USP14: variants seen among roughly 807,000 people sequenced by gnomAD.
The protein encoded by USP14 is ubiquitin specific peptidase 14.
USP14 carries 38 observed loss-of-function variants against 76.5 expected under a neutral mutation model. The observed-to-expected ratio is 0.50, with a 90% confidence interval of 0.38 to 0.65. The LOEUF (loss-of-function observed/expected upper bound fraction) is 0.65. Ranked by LOEUF, USP14 falls within the 30% of genes least tolerant of loss-of-function variation. The pLI, the probability that USP14 is intolerant of heterozygous loss-of-function variation, is 0.00. For synonymous variants in USP14, 192 were observed against 191.7 expected, an observed-to-expected ratio of 1.00 and a Z score of -0.01; for missense variants, 467 against 586.5, an observed-to-expected ratio of 0.80 and a Z score of 2.10.
At chr18:185,761 C>T (rs1318067337) in intron 5 of USP14, among the ~76,000 whole-genome samples, 4 of 151,930 alleles carry the variant, frequency 2.6e-5, no homozygotes, top group African/African-American at 9.7e-5. Flanking sequence ...GTGGCACGAT[C>T]ACAGATCACT....
chr18:182,362 T>C (rs987479897), intron 5 of USP14, among the ~76,000 whole-genome samples: 5 of 152,238 alleles, frequency 3.3e-5, no homozygotes, highest in Non-Finnish European at 7.3e-5. Context: ...TTTATGAATA[T>C]TGATTTTTGT....
In USP14 at chr18:190,479, C is replaced by G. The variant is rs898324492; in HGVS notation, c.405-2363C>G. Reference sequence around the variant, plus strand: ...CCACATCCACCCCCAAGAGTTTAAGCCAAGTTATTTAGCCAGTGGATTTAG... The same window carrying G: ...CCACATCCACCCCCAAGAGTTTAAGGCAAGTTATTTAGCCAGTGGATTTAG... On this transcript the variant is annotated intron_variant, in intron 5 of 15. Transcript: ENST00000261601. Among the ~76,000 whole-genome samples the G allele has an allele frequency of 3.9e-5, 6 of 152,070 alleles. 1 individual carries two copies. Among genetic ancestry groups the G allele is most frequent in the Non-Finnish European group, 8.8e-5 (6 of 67,994 alleles).
intron 3 of USP14, among the ~76,000 whole-genome samples, chr18:171,035 T>A (rs1284215831): frequency 3.2e-4 from 36 of 111,622 alleles, no homozygotes; most frequent in African/African-American, 1.3e-3. Flanking sequence ...AATATATATA[T>A]ATATATATAT....
At chr18:171,025 A>AAAAAAAAAAAAAAATATAT (rs1327304974) in intron 3 of USP14, among the ~76,000 whole-genome samples, 1 of 47,652 alleles carries the variant, frequency 2.1e-5, no homozygotes, top group African/African-American at 8.7e-5. Context: ...AAAAAAAAAA[A>AAAAAAAAAAAAAAATATAT]ATATATATAT....
chr18:193,660 A>G (rs928759443), intron 6 of USP14, among the ~76,000 whole-genome samples: 11 of 152,242 alleles, frequency 7.2e-5, no homozygotes, highest in African/African-American at 2.6e-4. Flanking sequence ...CCTACTCTGG[A>G]CTTTTACTCT....
At chr18:168,321 G>A (rs1318137007) in intron 3 of USP14, among the ~76,000 whole-genome samples, 2 of 151,976 alleles carry the variant, frequency 1.3e-5, no homozygotes, top group African/African-American at 2.4e-5. Flanking sequence ...GATTCCATTG[G>A]GTTTTCTGTG....
chr18:204,665 TAAA>T lies in USP14; in HGVS notation c.1141_1143del (p.Lys381del), dbSNP rs1305213269. ...GATCCAAATTCAAGGATCTAGAAGA[TAAA>T]AAAGTGAATCAGCAGCCAAATACAG... On this transcript the variant is annotated inframe_deletion, in exon 13 of 16. Transcript: ENST00000261601. 1 of 1,613,128 alleles carries T rather than the reference TAAA, an allele frequency of 6.2e-7. No homozygotes were observed. The highest frequency in any genetic ancestry group is 1.3e-5 in the African/African-American group (1 of 74,992).
At chr18:169,395 T>G (rs1207581495) in intron 3 of USP14, among the ~76,000 whole-genome samples, 2 of 151,072 alleles carry the variant, frequency 1.3e-5, no homozygotes, top group Non-Finnish European at 3.0e-5. Context: ...GTGGACATCT[T>G]GTCTTATTCT....
Position 205,989 on chromosome 18 carries a change from G to A in USP14, c.1164+1297G>A, listed in dbSNP as rs145073320. Among the ~76,000 whole-genome samples, 36 of 152,278 alleles carry A rather than the reference G, an allele frequency of 2.4e-4. 1 individual carries two copies. In the East Asian group the frequency reaches 5.8e-3, roughly 24 times the overall value. On this transcript the variant is annotated intron_variant, in intron 13 of 15. Transcript: ENST00000261601. ...GAAGAACACCTGGGTTGTTTCTAGT[G>A]TTTGTCTGTGATGAATAAACCTGCT...
rs146725150 is a variant in USP14, at chr18:194,109, T to C, written c.463+1209T>C. On this transcript the variant is annotated intron_variant, in intron 6 of 15. Coordinates refer to ENST00000261601, the MANE Select transcript of USP14 (RefSeq NM_005151.4). ...CCAGTACTTAGTATTGTATGTCTTT[T>C]TGACTATAGCCATCCAAGAGGTATG... Among the ~76,000 whole-genome samples, 834 of 152,362 alleles carry C rather than the reference T, an allele frequency of 5.5e-3. 8 individuals are homozygous for C. Among genetic ancestry groups the C allele is most frequent in the African/African-American group, 0.019 (793 of 41,590 alleles).
chr18:188,534 A>C (rs1162541959), intron 5 of USP14, among the ~76,000 whole-genome samples: 5 of 91,130 alleles, frequency 5.5e-5, no homozygotes, highest in Non-Finnish European at 1.1e-4. Flanking sequence ...TTCCTTTGTG[A>C]GGGTTTGGTG....
rs1424554152 is a variant in USP14, at chr18:213,997, A to AGATAGATAGATG, written c.*2716_*2717insAGATAGATGGAT. 6.7e-6 allele frequency: 1 copy of AGATAGATAGATG among 149,794 alleles called. No individual in the cohort carries two copies. The highest frequency in any genetic ancestry group is 6.7e-5 in the Admixed American group (1 of 14,826). The allele number at this position is 149,794 out of a possible 1,614,324, so 9.3% of individuals were successfully genotyped here. A position where few individuals can be genotyped will look rare whatever the true frequency, so the allele number is the denominator to read the frequency against. ...AGATTAGATAGATAGATAGATAGAT[A>AGATAGATAGATG]GATGATGATTGATTGATGATTGATA... On this transcript the variant is annotated 3_prime_UTR_variant, in exon 16 of 16. Coordinates refer to ENST00000261601, the MANE Select transcript of USP14 (RefSeq NM_005151.4).
chr18:193,939 A>G lies in USP14; in HGVS notation c.463+1039A>G, dbSNP rs543544927. ...ACAAATGCTTTCATTTCTCTTTGGTATGCATCTAGGAGTGGAGTTAATTAC... is the reference window on the plus strand; with the variant it reads ...ACAAATGCTTTCATTTCTCTTTGGTGTGCATCTAGGAGTGGAGTTAATTAC... On this transcript the variant is annotated intron_variant, in intron 6 of 15. Coordinates refer to ENST00000261601, the MANE Select transcript of USP14 (RefSeq NM_005151.4). Among the ~76,000 whole-genome samples, 4 of 152,270 alleles carry G rather than the reference A, an allele frequency of 2.6e-5. No homozygotes were observed. In the East Asian group the frequency reaches 7.7e-4, roughly 29 times the overall value.
At chr18:203,272 T>A in intron 12 of USP14, 82 bp downstream of exon 12, 2 of 1,235,392 alleles carry the variant, frequency 1.6e-6, no homozygotes, top group Non-Finnish European at 2.3e-6. Context: ...CATTATTCCT[T>A]TAGGAATAGT....
At chr18:198,160 A>G (rs370545182) in intron 9 of USP14, 28 bp downstream of exon 9, 30 of 1,554,856 alleles carry the variant, frequency 1.9e-5, no homozygotes, top group African/African-American at 2.7e-5. Flanking sequence ...GATATAGACT[A>G]TACTCATACC....
chr18:180,453 C>T, intron 5 of USP14, 114 bp downstream of exon 5: 1 of 677,010 alleles, frequency 1.5e-6, no homozygotes, highest in South Asian at 1.9e-5. Context: ...TTATACAATT[C>T]AGCATTTTAA....
rs35140700 is a variant in USP14 at position 213,122 on chromosome 18, G to GTA, written c.*1842_*1843dup. 0.17 allele frequency: 25,117 copies of GTA among 152,132 alleles called. 2,387 individuals carry two copies. The highest frequency in any genetic ancestry group is 0.23 in the Non-Finnish European group (15,384 of 67,978). The allele number at this position is 152,132 out of a possible 1,614,324, so 9.4% of individuals were successfully genotyped here. On this transcript the variant is annotated 3_prime_UTR_variant, in exon 16 of 16. Transcript: ENST00000261601. ...GACCATGAAAATTATAATGATTCAT[G>GTA]TATATTTGTATGATGCTTGTAACTT...
At chr18:191,659 C>T (rs1910091999) in intron 5 of USP14, among the ~76,000 whole-genome samples, 1 of 152,102 alleles carries the variant, frequency 6.6e-6, no homozygotes, top group East Asian at 1.9e-4. Context: ...AAACGGAATC[C>T]TACAGGTCAT....
At chr18:183,340 C>A (rs1909836604) in intron 5 of USP14, among the ~76,000 whole-genome samples, 1 of 151,022 alleles carries the variant, frequency 6.6e-6, no homozygotes, top group African/African-American at 2.4e-5. Context: ...TTTCTTTCCC[C>A]CAGTTTTCCA....
Sources: allele counts gnomAD v4.1 joint callset (sites outside exome capture counted in the v4.1 genomes callset), GRCh38; gene constraint gnomAD v4.1.1; transcripts MANE v1.5; gene names NCBI Gene and HGNC (gene_info 2026-07-23, HGNC 2026-07-21).